The following GNAQ variants were observed in gnomAD, a reference collection of about 807,000 sequenced individuals.
GNAQ encodes guanine nucleotide-binding protein G(q) subunit alpha.
GNAQ carries 8 observed loss-of-function variants against 43.9 expected under a neutral mutation model. That is an observed-to-expected ratio of 0.18 (90% confidence interval 0.11 to 0.33). The LOEUF (loss-of-function observed/expected upper bound fraction) is 0.33. Among genes scored for constraint, GNAQ ranks in the 10% least tolerant of loss-of-function variants. GNAQ has a pLI of 1.00. For missense variants in GNAQ, 158 were observed against 450.8 expected (o/e 0.35, Z 5.88); for synonymous variants, 155 against 170.7 (o/e 0.91, Z 0.71).
intron 4 of GNAQ, among the ~76,000 whole-genome samples, chr9:77,797,099 C>G (rs1294872082): frequency 6.6e-6 from 1 of 152,052 alleles, no homozygotes; most frequent in African/African-American, 2.4e-5. Flanking sequence ...GTGGCGCAAT[C>G]TCGTCTCATT....
At chr9:77,771,638 C>T (rs3780302) in intron 5 of GNAQ, among the ~76,000 whole-genome samples, 17,896 of 152,082 alleles carry the variant, frequency 0.12, 1,122 homozygotes, top group East Asian at 0.25. Flanking sequence ...ACAGAATCTG[C>T]AGGTCCCAGT....
At chr9:77,928,675 T>C (rs776006269) in intron 1 of GNAQ, among the ~76,000 whole-genome samples, 1 of 152,180 alleles carries the variant, frequency 6.6e-6, no homozygotes, top group African/African-American at 2.4e-5. Flanking sequence ...CATCAGTTGG[T>C]TGCAGAACTT....
intron 1 of GNAQ, among the ~76,000 whole-genome samples, chr9:77,934,245 G>A (rs901913243): frequency 6.6e-6 from 1 of 152,038 alleles, no homozygotes; most frequent in Non-Finnish European, 1.5e-5. Context: ...GACCTCAAGG[G>A]TTCTCTCCAG....
At chr9:77,951,914 T>C (rs1313795215) in intron 1 of GNAQ, among the ~76,000 whole-genome samples, 4 of 152,250 alleles carry the variant, frequency 2.6e-5, no homozygotes, top group African/African-American at 9.6e-5. Flanking sequence ...TCCACAGACC[T>C]AGGACATGGA....
intron 2 of GNAQ, among the ~76,000 whole-genome samples, chr9:77,850,801 C>T (rs532264245): frequency 4.6e-5 from 7 of 152,186 alleles, no homozygotes; most frequent in East Asian, 1.9e-4. Context: ...CCTTCATGAC[C>T]GACTCAAATG....
chr9:77,816,020 T>C (rs1827008306), intron 2 of GNAQ, among the ~76,000 whole-genome samples: 1 of 152,200 alleles, frequency 6.6e-6, no homozygotes, highest in African/African-American at 2.4e-5. Context: ...AGGTGGCGTA[T>C]TCAGCTCTCC....
chr9:77,889,098 G>A (rs1387201139), intron 2 of GNAQ, among the ~76,000 whole-genome samples: 1 of 151,870 alleles, frequency 6.6e-6, no homozygotes, highest in African/African-American at 2.4e-5. Context: ...CATACCTACT[G>A]AATTAAACAT....
intron 2 of GNAQ, among the ~76,000 whole-genome samples, chr9:77,897,030 C>T (rs1828515391): frequency 6.6e-6 from 1 of 152,202 alleles, no homozygotes; most frequent in South Asian, 2.1e-4. Context: ...TAAAGGGAAA[C>T]ACACTTAAGT....
At chr9:78,012,410 T>C (rs1823784876) in intron 1 of GNAQ, among the ~76,000 whole-genome samples, 1 of 152,022 alleles carries the variant, frequency 6.6e-6, no homozygotes, top group South Asian at 2.1e-4. Flanking sequence ...AGTTTCACCA[T>C]GTTGGCCAGG....
At chr9:77,793,767 C>A (rs974773596) in intron 5 of GNAQ, among the ~76,000 whole-genome samples, 1 of 152,054 alleles carries the variant, frequency 6.6e-6, no homozygotes, top group Non-Finnish European at 1.5e-5. Flanking sequence ...TTAATATATT[C>A]CATAATCGAT....
intron 5 of GNAQ, among the ~76,000 whole-genome samples, chr9:77,763,102 A>G (rs1826077331): frequency 6.8e-6 from 1 of 147,146 alleles, no homozygotes; most frequent in Admixed American, 6.9e-5. Flanking sequence ...CAATAAAAAT[A>G]AAATTAAAAA....
chr9:77,730,058 C>T (rs1825464436), intron 5 of GNAQ, among the ~76,000 whole-genome samples: 1 of 152,178 alleles, frequency 6.6e-6, no homozygotes, highest in African/African-American at 2.4e-5. Flanking sequence ...GAGTGAAAAA[C>T]AAATTGGGTC....
intron 2 of GNAQ, among the ~76,000 whole-genome samples, chr9:77,911,976 A>G (rs1163297672): frequency 6.6e-6 from 1 of 152,218 alleles, no homozygotes; most frequent in Non-Finnish European, 1.5e-5. Flanking sequence ...CTCAAGAAAA[A>G]GGAAGATGTC....
chr9:77,899,693 G>A (rs1160418010), intron 2 of GNAQ, among the ~76,000 whole-genome samples: 1 of 152,128 alleles, frequency 6.6e-6, no homozygotes, highest in Non-Finnish European at 1.5e-5. Context: ...AGACAGCAGA[G>A]GTCAGAGGCG....
chr9:77,988,761 T>C lies in GNAQ; in HGVS notation c.136+42339A>G, dbSNP rs138764560. Among the ~76,000 whole-genome samples the C allele has an allele frequency of 1.1e-3, 161 of 152,342 alleles. 1 individual carries two copies. In the East Asian group the frequency reaches 0.016, roughly 15 times the overall value. On this transcript the variant is annotated intron_variant, in intron 1 of 6. Coordinates refer to ENST00000286548, the MANE Select transcript of GNAQ (RefSeq NM_002072.5). ...TGTTATAAAAGGTCAATGAAGACAG[T>C]AGCATCTTCCTAATTTACTAATCTC...
intron 1 of GNAQ, among the ~76,000 whole-genome samples, chr9:77,991,724 A>G (rs1440037708): frequency 6.6e-6 from 1 of 152,032 alleles, no homozygotes; most frequent in African/African-American, 2.4e-5. Context: ...CCCCCGTCCC[A>G]TGCTTCCCTC....
At chr9:77,895,059 G>A (rs1172230907) in intron 2 of GNAQ, among the ~76,000 whole-genome samples, 4 of 151,518 alleles carry the variant, frequency 2.6e-5, no homozygotes, top group East Asian at 2.0e-4. Context: ...TTAGTTGGGC[G>A]TGGTGGCAGG....
intron 1 of GNAQ, among the ~76,000 whole-genome samples, chr9:77,955,596 G>T (rs1823031943): frequency 6.6e-6 from 1 of 152,142 alleles, no homozygotes; most frequent in South Asian, 2.1e-4. Context: ...ATTTTGCTCA[G>T]TAATTCTCAA....
intron 1 of GNAQ, among the ~76,000 whole-genome samples, chr9:77,940,319 C>T (rs1021948021): frequency 1.1e-4 from 17 of 152,300 alleles, no homozygotes; most frequent in African/African-American, 4.1e-4. Flanking sequence ...GCGGCTCACA[C>T]CTGTAGTCCC....
Sources: gnomAD v4.1 joint callset for allele counts (sites outside exome capture counted in the v4.1 genomes callset) on GRCh38, gnomAD v4.1.1 for gene constraint, MANE v1.5 for transcripts, NCBI Gene and HGNC (gene_info 2026-07-23, HGNC 2026-07-21) for gene names.